Variants in PALD1 observed in about 807,000 individuals in gnomAD.
PALD1 encodes the protein paladin.
In PALD1, 57 loss-of-function variants were observed where a neutral mutation model predicts 96.0. The observed-to-expected ratio is 0.59, with a 90% CI of 0.48 to 0.74. PALD1 has a LOEUF of 0.74. Among genes scored for constraint, PALD1 ranks in the 30% least tolerant of loss-of-function variants. The probability of loss-of-function intolerance (pLI) is 0.00; values close to 1 mark genes in which losing one functional copy is unlikely to be tolerated. For synonymous variants in PALD1, 464 were observed against 473.6 expected (o/e 0.98, Z 0.26); for missense variants, 1,063 against 1,143.7 (o/e 0.93, Z 1.02).
At chr10:70,533,252 G>T (rs751559083) in intron 7 of PALD1, among the ~76,000 whole-genome samples, 182 bp downstream of exon 7, 1 of 151,980 alleles carries the variant, frequency 6.6e-6, no homozygotes, top group African/African-American at 2.4e-5. Context: ...GTGTGTCAGC[G>T]CCTTTGTGTG....
chr10:70,458,627 C>G, the PALD1 span, among the ~76,000 whole-genome samples: 1 of 152,210 alleles, frequency 6.6e-6, no homozygotes, highest in Non-Finnish European at 1.5e-5. Context: ...CCCCTCTCCC[C>G]TGTTCCCCGC....
intron 1 of PALD1, among the ~76,000 whole-genome samples, chr10:70,514,402 C>T (rs1479025658): frequency 6.6e-6 from 1 of 152,150 alleles, no homozygotes; most frequent in Non-Finnish European, 1.5e-5. Flanking sequence ...AATATAAAAA[C>T]ACTTGAGAAA....
chr10:70,550,312 C>T (rs1248320761), intron 18 of PALD1, among the ~76,000 whole-genome samples: 12 of 152,268 alleles, frequency 7.9e-5, no homozygotes, highest in East Asian at 5.8e-4. Flanking sequence ...TTCTAAGCAG[C>T]GGCCCCCAGC....
intron 1 of PALD1, among the ~76,000 whole-genome samples, chr10:70,503,320 GA>G (rs956003824): frequency 2.6e-5 from 4 of 152,056 alleles, no homozygotes; most frequent in African/African-American, 9.7e-5. Context: ...CCATTTGTTT[GA>G]AAAATAATCC....
rs541887111 is a variant in PALD1, at chr10:70,529,213, C to G, written c.186-16C>G. On this transcript the variant is annotated splice_polypyrimidine_tract_variant and intron_variant, in intron 2 of 19. Transcript: ENST00000263563. ...CTTGACTCAGTTTCCATTCTGCCCC[C>G]CCCCCCCCCCCCCAGGTACAACTGC... 11 of 139,498 alleles carry G rather than the reference C, an allele frequency of 7.9e-5. No individual in the cohort carries two copies. Among genetic ancestry groups the G allele is most frequent in the Non-Finnish European group, 1.2e-4 (8 of 65,506 alleles). The allele number at this position is 139,498 out of a possible 1,614,324, so 8.6% of individuals were successfully genotyped here.
chr10:70,556,171 C>T (rs1390406886), intron 18 of PALD1, among the ~76,000 whole-genome samples: 4 of 152,096 alleles, frequency 2.6e-5, no homozygotes, highest in Non-Finnish European at 4.4e-5. Context: ...GGCTCTTTCA[C>T]TTGAACCCAG....
chr10:70,556,233 C>T (rs1409478774), intron 18 of PALD1, among the ~76,000 whole-genome samples: 1 of 150,454 alleles, frequency 6.6e-6, no homozygotes, highest in Non-Finnish European at 1.5e-5. Context: ...ATGTGAGTAC[C>T]CGTGTGCTTT....
At chr10:70,499,991 CAGTT>C (rs1447763484) in intron 1 of PALD1, among the ~76,000 whole-genome samples, 6 of 152,314 alleles carry the variant, frequency 3.9e-5, no homozygotes, top group Middle Eastern at 6.8e-3. Flanking sequence ...GGGGTTTTCT[CAGTT>C]AGTCCTCATG....
At chr10:70,498,227 C>T (rs533294599) in intron 1 of PALD1, among the ~76,000 whole-genome samples, 16 of 152,180 alleles carry the variant, frequency 1.1e-4, no homozygotes, top group East Asian at 3.9e-4. Context: ...AAGGTTCATC[C>T]GTATTGTAGC....
chr10:70,476,903 G>A (rs1001740081), upstream of PALD1, among the ~76,000 whole-genome samples: 4 of 60 alleles, frequency 0.067, no homozygotes, highest in African/African-American at 0.083. Flanking sequence ...ATTTGTATGT[G>A]TGTATTATGT....
At chr10:70,490,787 C>T (rs549089432) in intron 1 of PALD1, among the ~76,000 whole-genome samples, 61 of 152,162 alleles carry the variant, frequency 4.0e-4, no homozygotes, top group Admixed American at 1.7e-3. Context: ...GCTGATGGGA[C>T]GGGTTGGGGT....
At chr10:70,566,154 G>C (rs1847845738) in intron 19 of PALD1, among the ~76,000 whole-genome samples, 1 of 152,164 alleles carries the variant, frequency 6.6e-6, no homozygotes, top group African/African-American at 2.4e-5. Flanking sequence ...CTGGGCGGCA[G>C]GGCTGAGTGT....
In PALD1 at chr10:70,541,898, C is replaced by T. The variant is rs143019922; in HGVS notation, c.2121+364C>T. Among the ~76,000 whole-genome samples, 621 of 152,312 alleles carry T rather than the reference C, an allele frequency of 4.1e-3. 3 individuals are homozygous for T. The highest frequency in any genetic ancestry group is 6.8e-3 in the Non-Finnish European group (460 of 68,024). ...GTGGTTGGTGACCTTGTGTGGGTCCCCAGCCTACTTTGCCCTGCCTGTTCC... is the reference window on the plus strand; with the variant it reads ...GTGGTTGGTGACCTTGTGTGGGTCCTCAGCCTACTTTGCCCTGCCTGTTCC... On this transcript the variant is annotated intron_variant, in intron 17 of 19. Coordinates refer to ENST00000263563, the MANE Select transcript of PALD1 (RefSeq NM_014431.3).
chr10:70,547,110 T>C (rs929720254), intron 17 of PALD1, among the ~76,000 whole-genome samples, 196 bp from the exon 18 acceptor site: 1 of 152,168 alleles, frequency 6.6e-6, no homozygotes. Flanking sequence ...GAAAAGCATC[T>C]GGGTAGCCTG....
chr10:70,535,334 G>A (rs1589203604), intron 10 of PALD1, among the ~76,000 whole-genome samples: 2 of 152,306 alleles, frequency 1.3e-5, no homozygotes, highest in Admixed American at 6.5e-5. Context: ...AAGCCACAGA[G>A]GCAGCTTCTT....
intron 18 of PALD1, among the ~76,000 whole-genome samples, chr10:70,563,370 G>A (rs1373981106): frequency 2.0e-5 from 3 of 152,240 alleles, no homozygotes; most frequent in African/African-American, 7.2e-5. Flanking sequence ...AAATCCACCA[G>A]GCCTCCACGG....
At chr10:70,529,081 A>G (rs1846931949) in intron 2 of PALD1, 148 bp from the exon 3 acceptor site, 1 of 595,590 alleles carries the variant, frequency 1.7e-6, no homozygotes, top group Non-Finnish European at 3.1e-6. Flanking sequence ...AGAAGGGAAG[A>G]GTGGATATTG....
At chr10:70,518,911 C>G (rs1846669089) in intron 1 of PALD1, among the ~76,000 whole-genome samples, 1 of 152,212 alleles carries the variant, frequency 6.6e-6, no homozygotes, top group Admixed American at 6.5e-5. Flanking sequence ...TGACACATCT[C>G]TGTGTGTTCA....
chr10:70,504,228 T>C (rs1846347011), intron 1 of PALD1, among the ~76,000 whole-genome samples: 1 of 152,220 alleles, frequency 6.6e-6, no homozygotes, highest in African/African-American at 2.4e-5. Context: ...AACAGTATAT[T>C]TAAAAACACA....
Sources: allele counts gnomAD v4.1 joint callset (sites outside exome capture counted in the v4.1 genomes callset), GRCh38; gene constraint gnomAD v4.1.1; transcripts MANE v1.5; gene names NCBI Gene and HGNC (gene_info 2026-07-23, HGNC 2026-07-21).